Variants in RASGRF2 observed in about 807,000 individuals in gnomAD.
The protein encoded by RASGRF2 is Ras protein specific guanine nucleotide releasing factor 2.
A neutral mutation model predicts 151.0 loss-of-function variants in RASGRF2; 76 were observed. The ratio of observed to expected loss-of-function variants is 0.50; its 90% CI spans 0.42 to 0.61. The LOEUF is 0.61. Among genes scored for constraint, RASGRF2 ranks in the 20% least tolerant of loss-of-function variants. The pLI, the probability that RASGRF2 is intolerant of heterozygous loss-of-function variation, is 0.00. For synonymous variants in RASGRF2, 504 were observed against 566.5 expected, an observed-to-expected ratio of 0.89 and a Z score of 1.57; for missense variants, 1,148 against 1,564.6, an observed-to-expected ratio of 0.73 and a Z score of 4.49.
At chr5:81,111,490 A>C (rs1752992010) in intron 13 of RASGRF2, among the ~76,000 whole-genome samples, 1 of 152,178 alleles carries the variant, frequency 6.6e-6, no homozygotes, top group South Asian at 2.1e-4. Flanking sequence ...ACTTTTTTTT[A>C]AGTGAAGACA....
chr5:81,181,782 TC>T (rs2112678037), intron 18 of RASGRF2, among the ~76,000 whole-genome samples: 1 of 152,116 alleles, frequency 6.6e-6, no homozygotes, highest in Admixed American at 6.6e-5. Flanking sequence ...CCCTTCCAAA[TC>T]TTCTCCCCAG....
intron 18 of RASGRF2, among the ~76,000 whole-genome samples, chr5:81,187,053 G>C (rs1755040876): frequency 6.6e-6 from 1 of 152,206 alleles, no homozygotes; most frequent in South Asian, 2.1e-4. Flanking sequence ...TGCTGCTCTT[G>C]ATAGAGATAA....
At chr5:81,207,471 GT>G in intron 21 of RASGRF2, 122 bp downstream of exon 21, 1 of 795,976 alleles carries the variant, frequency 1.3e-6, no homozygotes, top group Non-Finnish European at 2.0e-6. Context: ...GTATCTACCA[GT>G]TGTTTCCATC....
chr5:81,174,697 A>G (rs984652427), intron 17 of RASGRF2, among the ~76,000 whole-genome samples: 10 of 152,204 alleles, frequency 6.6e-5, no homozygotes, highest in Non-Finnish European at 1.5e-4. Flanking sequence ...TTTTATTGCA[A>G]TCCACACTAA....
At chr5:81,026,345 T>C (rs1448144294) in intron 1 of RASGRF2, among the ~76,000 whole-genome samples, 1 of 152,034 alleles carries the variant, frequency 6.6e-6, no homozygotes. Context: ...GCTCCCTCAG[T>C]GGTCTCCCTA....
At chr5:81,149,926 A>C (rs1392774515) in intron 17 of RASGRF2, among the ~76,000 whole-genome samples, 1 of 152,148 alleles carries the variant, frequency 6.6e-6, no homozygotes, top group East Asian at 1.9e-4. Context: ...CTTCACTCTG[A>C]GTACTGTGGG....
chr5:81,212,470 G>A lies in RASGRF2; in HGVS notation c.3261G>A (p.Leu1087=). 6.2e-7 allele frequency: 1 copy of A among 1,613,822 alleles called. No individual in the cohort carries two copies. Among genetic ancestry groups the A allele is most frequent in the Non-Finnish European group, 8.5e-7 (1 of 1,179,920 alleles). ...WVAVADICRC[L]HNYNGVLEIT... ...CAGTGGCGGACATCTGCCGATGCCT[G>A]CACAACTACAACGGCGTGCTGGAGA... The change falls in exon 23 of 27, where the codon CTG becomes CTA. Residue 1087 remains leucine (L), a synonymous_variant. Coordinates refer to ENST00000265080, the MANE Select transcript of RASGRF2 (RefSeq NM_006909.3).
intron 15 of RASGRF2, among the ~76,000 whole-genome samples, chr5:81,119,485 T>C (rs1753246553): frequency 6.6e-6 from 1 of 152,194 alleles, no homozygotes. Flanking sequence ...TCAACACTGT[T>C]GCATTGGAGT....
chr5:81,223,787 CCATT>C (rs1214091005), intron 26 of RASGRF2, among the ~76,000 whole-genome samples: 1 of 151,876 alleles, frequency 6.6e-6, no homozygotes, highest in Non-Finnish European at 1.5e-5. Context: ...AAGAAACTGA[CCATT>C]CAATAAATAG....
intron 1 of RASGRF2, among the ~76,000 whole-genome samples, chr5:81,033,793 C>G (rs1467111432): frequency 6.6e-6 from 1 of 152,192 alleles, no homozygotes; most frequent in African/African-American, 2.4e-5. Context: ...CCAAAATTGA[C>G]AAATGGGATC....
chr5:81,034,229 C>T (rs1750382277), intron 1 of RASGRF2, among the ~76,000 whole-genome samples: 1 of 152,138 alleles, frequency 6.6e-6, no homozygotes, highest in Non-Finnish European at 1.5e-5. Context: ...CAGAGAAATG[C>T]AAATCAAAAC....
At chr5:80,982,198 G>C (rs78770679) in intron 1 of RASGRF2, among the ~76,000 whole-genome samples, 2 of 152,300 alleles carry the variant, frequency 1.3e-5, no homozygotes, top group Non-Finnish European at 2.9e-5. Context: ...AGCACTTGCT[G>C]AGTATTGAGG....
chr5:81,127,512 G>A (rs1459603104), intron 17 of RASGRF2, among the ~76,000 whole-genome samples: 1 of 152,070 alleles, frequency 6.6e-6, no homozygotes, highest in Non-Finnish European at 1.5e-5. Flanking sequence ...GTTAAAGTGA[G>A]ACCCTATCTC....
intron 1 of RASGRF2, among the ~76,000 whole-genome samples, chr5:81,031,775 C>T (rs1226635997): frequency 6.6e-6 from 1 of 152,018 alleles, no homozygotes; most frequent in East Asian, 1.9e-4. Context: ...GAAAAGCCAG[C>T]AGAAGGCAAA....
At chr5:81,143,060 A>G (rs1753920953) in intron 17 of RASGRF2, among the ~76,000 whole-genome samples, 1 of 152,364 alleles carries the variant, frequency 6.6e-6, no homozygotes, top group East Asian at 1.9e-4. Context: ...AGACGAAAAA[A>G]TCTTAGGCTG....
chr5:81,101,367 A>G (rs892815662), intron 12 of RASGRF2, among the ~76,000 whole-genome samples: 2 of 151,974 alleles, frequency 1.3e-5, no homozygotes, highest in Admixed American at 6.6e-5. Flanking sequence ...TTTTTTTTAG[A>G]ACAGAACTCT....
At chr5:80,974,877 A>G (rs1294530722) in intron 1 of RASGRF2, among the ~76,000 whole-genome samples, 1 of 151,938 alleles carries the variant, frequency 6.6e-6, no homozygotes, top group African/African-American at 2.4e-5. Flanking sequence ...TTTTTTTTTC[A>G]GAGAGGATTT....
In RASGRF2 at chr5:81,093,125, G is replaced by A. The variant is rs370628132; in HGVS notation, c.1551+164G>A. ...TGTTACCAACTCTGCCATTTAATTC[G>A]TTGTCATTTAAATTCAAAGTAACAG... is the stretch of plus-strand genomic sequence containing the variant. On this transcript the variant is annotated intron_variant, in intron 10 of 26. Coordinates refer to ENST00000265080, the MANE Select transcript of RASGRF2 (RefSeq NM_006909.3). Among the ~76,000 whole-genome samples the A allele has an allele frequency of 5.9e-5, 9 of 152,160 alleles. No homozygotes were observed. The East Asian group carries it at 1.2e-3, about 20-fold the overall frequency.
chr5:81,051,505 C>G (rs1751010190), intron 2 of RASGRF2, among the ~76,000 whole-genome samples: 1 of 152,164 alleles, frequency 6.6e-6, no homozygotes, highest in African/African-American at 2.4e-5. Flanking sequence ...TCCCCTAGCT[C>G]TAGCCAACCA....
Sources: allele counts gnomAD v4.1 joint callset (sites outside exome capture counted in the v4.1 genomes callset), GRCh38; gene constraint gnomAD v4.1.1; transcripts MANE v1.5; gene names NCBI Gene and HGNC (gene_info 2026-07-23, HGNC 2026-07-21).